Variants in PRDX2 observed in about 807,000 individuals in gnomAD.
The protein encoded by PRDX2 is peroxiredoxin-2.
In PRDX2, 10 loss-of-function variants were observed where a neutral mutation model predicts 19.8. The observed-to-expected ratio is 0.50, with a 90% CI of 0.31 to 0.86. The LOEUF is 0.86. Ranked by LOEUF, PRDX2 falls within the 40% of genes least tolerant of loss-of-function variation. The pLI is 0.04. For missense variants in PRDX2, 226 were observed against 260.1 expected (o/e 0.87, Z 0.90); for synonymous variants, 118 against 108.2 (o/e 1.09, Z -0.56).
chr19:12,797,342 T>TC (rs762835235), intron 5 of PRDX2, among the ~76,000 whole-genome samples, 176 bp from the exon 6 acceptor site: 3 of 151,788 alleles, frequency 2.0e-5, no homozygotes, highest in Admixed American at 6.6e-5. Context: ...TTTTTTTTTT[T>TC]CAGACAGAGT....
At chr19:12,798,040 CTTTTT>C (rs1321541198) in intron 5 of PRDX2, among the ~76,000 whole-genome samples, 1 of 151,294 alleles carries the variant, frequency 6.6e-6, no homozygotes, top group Non-Finnish European at 1.5e-5. Flanking sequence ...CCTTTTTCTT[CTTTTT>C]TTCTTTTCTT....
intron 5 of PRDX2, among the ~76,000 whole-genome samples, chr19:12,798,514 G>A (rs1968832721): frequency 6.6e-6 from 1 of 151,816 alleles, no homozygotes; most frequent in African/African-American, 2.4e-5. Flanking sequence ...ACCAGGCTGG[G>A]CTAATTTTGT....
chr19:12,798,106 A>G (rs1029045499), intron 5 of PRDX2, among the ~76,000 whole-genome samples: 4 of 150,536 alleles, frequency 2.7e-5, no homozygotes, highest in Non-Finnish European at 5.9e-5. Flanking sequence ...GTGCAGTGGC[A>G]CGATCTCTGC....
intron 3 of PRDX2, chr19:12,800,559 C>T (rs1968872984): frequency 1.2e-6 from 1 of 847,890 alleles, no homozygotes. Context: ...AGCAGAGAGC[C>T]TGTGTTAAGA....
chr19:12,799,788 G>A (rs1968855708), intron 5 of PRDX2, 71 bp downstream of exon 5: 1 of 1,570,304 alleles, frequency 6.4e-7, no homozygotes, highest in African/African-American at 1.4e-5. Context: ...TAAGAGGACA[G>A]GCAGTGAATG....
intron 3 of PRDX2, 104 bp from the exon 4 acceptor site, chr19:12,800,403 G>A: frequency 6.9e-7 from 1 of 1,449,120 alleles, no homozygotes; most frequent in Non-Finnish European, 9.4e-7. Context: ...GAGATAAGGG[G>A]CTTTAGAGTA....
intron 5 of PRDX2, 71 bp downstream of exon 5, chr19:12,799,788 G>C: frequency 6.4e-7 from 1 of 1,570,422 alleles, no homozygotes; most frequent in African/African-American, 1.3e-5. Flanking sequence ...TAAGAGGACA[G>C]GCAGTGAATG....
rs752658197 is a variant in PRDX2 at position 12,800,285 on chromosome 19, C to CG, written c.271dup (p.Arg91ProfsTer16). 5 of 1,612,600 alleles carry CG rather than the reference C, an allele frequency of 3.1e-6. No individual in the cohort carries two copies. The highest frequency in any genetic ancestry group is 1.7e-5 in the Admixed American group (1 of 59,938). ...CAGGGGGCCCAAGCCTCCCTCTTTCCGGGGGGTGTTGATCCTGGGAGTAGG... is the reference window on the plus strand; with the variant it reads ...CAGGGGGCCCAAGCCTCCCTCTTTCCGGGGGGGTGTTGATCCTGGGAGTAGG... On this transcript the variant is annotated frameshift_variant, in exon 4 of 6. Transcript: ENST00000301522. LOFTEE classifies it high-confidence loss of function.
At chr19:12,801,320 A>G (rs1437478664) in intron 1 of PRDX2, 50 bp from the exon 2 acceptor site, 2 of 1,546,808 alleles carry the variant, frequency 1.3e-6, no homozygotes, top group Non-Finnish European at 8.8e-7. Flanking sequence ...TTGTCCTCCC[A>G]ACCCAAGGTC....
intron 5 of PRDX2, among the ~76,000 whole-genome samples, chr19:12,797,565 C>G (rs1358064475): frequency 6.6e-6 from 1 of 151,992 alleles, no homozygotes; most frequent in African/African-American, 2.4e-5. Flanking sequence ...CCCGTCTTGG[C>G]CTCCCAAAGT....
At chr19:12,800,654 C>T (rs569092504) in intron 3 of PRDX2, 3 of 1,417,370 alleles carry the variant, frequency 2.1e-6, no homozygotes, top group South Asian at 3.0e-5. Context: ...AATAGGGCAG[C>T]ACAGCCTCCC....
At position 12,800,291 on chromosome 19, in the gene PRDX2, G is replaced by T. The variant is rs140568238; in HGVS notation, c.266C>A (p.Thr89Asn). The T allele has an allele frequency of 3.9e-5, 63 of 1,612,494 alleles. No individual in the cohort carries two copies. The African/African-American group carries it at 6.7e-4, about 17-fold the overall frequency. ...GCCCAAGCCTCCCTCTTTCCGGGGGGTGTTGATCCTGGGAGTAGGGGAGAC... is the reference window on the plus strand; with the variant it reads ...GCCCAAGCCTCCCTCTTTCCGGGGGTTGTTGATCCTGGGAGTAGGGGAGAC... ...SQFTHLAWINTPRKEGGLGPL... is the reference protein window; with the variant it reads ...SQFTHLAWINNPRKEGGLGPL... Residue 89 changes from threonine (T) to asparagine (N), a missense_variant, in exon 4 of 6, where the codon ACC (threonine) becomes AAC (asparagine). Coordinates refer to ENST00000301522, the MANE Select transcript of PRDX2 (RefSeq NM_005809.6).
intron 5 of PRDX2, among the ~76,000 whole-genome samples, chr19:12,799,194 C>CGGCCTG (rs1968846257): frequency 1.3e-5 from 2 of 151,446 alleles, no homozygotes; most frequent in African/African-American, 2.4e-5. Flanking sequence ...CCACCGCGCT[C>CGGCCTG]GGCCTGTTTG....
At chr19:12,799,759 T>A (rs978368351) in intron 5 of PRDX2, 100 bp downstream of exon 5, 32 of 1,481,362 alleles carry the variant, frequency 2.2e-5, no homozygotes, top group Non-Finnish European at 2.8e-5. Flanking sequence ...TTTGGGGCCC[T>A]AACACCCATC....
At chr19:12,799,657 G>C (rs1433064586) in intron 5 of PRDX2, 1 of 592,166 alleles carries the variant, frequency 1.7e-6, no homozygotes, top group South Asian at 2.2e-5. Flanking sequence ...ACTGAGCCCG[G>C]CCCCTTTGTC....
chr19:12,801,097 G>A, intron 2 of PRDX2, 28 bp from the exon 3 acceptor site: 4 of 1,612,884 alleles, frequency 2.5e-6, no homozygotes, highest in Non-Finnish European at 3.4e-6. Context: ...AGAGGAGTTA[G>A]GGCCCAGCTT....
intron 5 of PRDX2, among the ~76,000 whole-genome samples, chr19:12,799,332 G>GGACT (rs1968849144): frequency 6.6e-6 from 1 of 152,054 alleles, no homozygotes; most frequent in African/African-American, 2.4e-5. Flanking sequence ...TGAGTAGCTG[G>GGACT]GACTATAGGC....
At chr19:12,799,835 T>C (rs1372641644) in intron 5 of PRDX2, 24 bp downstream of exon 5, 23 of 1,610,490 alleles carry the variant, frequency 1.4e-5, no homozygotes, top group Non-Finnish European at 2.0e-5. Context: ...TATGTACCCA[T>C]GTGTCATGTG....
chr19:12,797,279 G>T lies in PRDX2; in HGVS notation c.512-113C>A, dbSNP rs1968806592. The T allele has an allele frequency of 5.0e-6, 4 of 807,178 alleles. No individual in the cohort carries two copies. The East Asian group carries it at 1.0e-4, about 21-fold the overall frequency. The allele number at this position is 807,178 out of a possible 1,614,324, so 50.0% of individuals were successfully genotyped here. On this transcript the variant is annotated intron_variant, in intron 5 of 5. Coordinates refer to ENST00000301522, the MANE Select transcript of PRDX2 (RefSeq NM_005809.6). ...GCTGGAAGCAAGTGGTCCAGGCCCA[G>T]GAATGTGGATATTAAGATAAACCCT...
Sources: gnomAD v4.1 joint callset for allele counts (sites outside exome capture counted in the v4.1 genomes callset) on GRCh38, gnomAD v4.1.1 for gene constraint, MANE v1.5 for transcripts, NCBI Gene and HGNC (gene_info 2026-07-23, HGNC 2026-07-21) for gene names.